Variants in GALNT2 observed in about 807,000 individuals in gnomAD.
GALNT2 encodes the protein polypeptide N-acetylgalactosaminyltransferase 2.
In GALNT2, 31 loss-of-function variants were observed where a neutral mutation model predicts 81.4. The ratio of observed to expected loss-of-function variants is 0.38; its 90% CI spans 0.29 to 0.51. The LOEUF (loss-of-function observed/expected upper bound fraction) is 0.51, where lower values mean the gene tolerates loss of function less well. GALNT2 is among the 20% of genes least tolerant of loss of function. The pLI is 0.87. For synonymous variants in GALNT2, 303 were observed against 287.4 expected (o/e 1.05, Z -0.55); for missense variants, 629 against 765.7 (o/e 0.82, Z 2.11).
At chr1:230,276,482 C>G (rs982743613) in intron 15 of GALNT2, among the ~76,000 whole-genome samples, 2 of 152,188 alleles carry the variant, frequency 1.3e-5, no homozygotes, top group East Asian at 1.9e-4. Context: ...CCTGATTTCA[C>G]AACAGAAAAG....
At chr1:230,061,580 A>G (rs1659048475) in intron 1 of GALNT2, among the ~76,000 whole-genome samples, 1 of 151,404 alleles carries the variant, frequency 6.6e-6, no homozygotes, top group Non-Finnish European at 1.5e-5. Flanking sequence ...TTCAGTTTTT[A>G]TTCCTCTCCC....
intron 1 of GALNT2, among the ~76,000 whole-genome samples, chr1:230,106,172 G>A (rs1032253362): frequency 6.6e-6 from 1 of 152,166 alleles, no homozygotes; most frequent in Non-Finnish European, 1.5e-5. Flanking sequence ...CCTGGACTTC[G>A]GAGTGATAGC....
intron 1 of GALNT2, among the ~76,000 whole-genome samples, chr1:230,089,121 A>C (rs575135446): frequency 6.6e-6 from 1 of 151,912 alleles, no homozygotes; most frequent in Admixed American, 6.6e-5. Flanking sequence ...ACATATAACA[A>C]AACTGACCAT....
intron 1 of GALNT2, among the ~76,000 whole-genome samples, chr1:230,085,740 C>T (rs1206564349): frequency 6.6e-6 from 1 of 152,226 alleles, no homozygotes; most frequent in South Asian, 2.1e-4. Context: ...ATCTGAGGTT[C>T]TCTTATTCAT....
intron 1 of GALNT2, among the ~76,000 whole-genome samples, chr1:230,090,709 C>T (rs1026846621): frequency 1.3e-5 from 2 of 152,174 alleles, no homozygotes; most frequent in African/African-American, 4.8e-5. Flanking sequence ...ATGTGTAACA[C>T]GTTTGCAGAA....
chr1:230,274,465 G>C lies in GALNT2; in HGVS notation c.1461G>C (p.Glu487Asp). 1 of 1,613,714 alleles carries C rather than the reference G, an allele frequency of 6.2e-7. No homozygotes were observed. The highest frequency in any genetic ancestry group is 8.5e-7 in the Non-Finnish European group (1 of 1,179,778). ...TCCAGGAATGGGCCTTGACGAAGGA[G>C]AAGTCGGTGAAGCACATGGATTTGT... is the stretch of plus-strand genomic sequence containing the variant. ...GGNQEWALTKEKSVKHMDLCL... is the reference protein window; with the variant it reads ...GGNQEWALTKDKSVKHMDLCL... The change falls in exon 15 of 16, where the codon GAG becomes GAC. Residue 487 changes from glutamate (E) to aspartate (D), a missense_variant. Coordinates refer to ENST00000366672, the MANE Select transcript of GALNT2 (RefSeq NM_004481.5).
chr1:230,188,242 G>T (rs1018189060), intron 2 of GALNT2, among the ~76,000 whole-genome samples: 13 of 152,198 alleles, frequency 8.5e-5, no homozygotes, highest in African/African-American at 3.1e-4. Flanking sequence ...GGCTGCCGTG[G>T]TCACAAAAAC....
intron 3 of GALNT2, among the ~76,000 whole-genome samples, chr1:230,224,642 T>A (rs1335282993): frequency 6.6e-6 from 1 of 152,266 alleles, no homozygotes; most frequent in Non-Finnish European, 1.5e-5. Flanking sequence ...TGGAGAATAC[T>A]CACGTATTCT....
chr1:230,120,747 G>T (rs1003318457), intron 1 of GALNT2, among the ~76,000 whole-genome samples: 1 of 152,040 alleles, frequency 6.6e-6, no homozygotes, highest in Non-Finnish European at 1.5e-5. Flanking sequence ...ATCCTCCTCC[G>T]CACACACTAA....
chr1:230,119,334 G>A (rs374256376), intron 1 of GALNT2, among the ~76,000 whole-genome samples: 1 of 152,152 alleles, frequency 6.6e-6, no homozygotes, highest in African/African-American at 2.4e-5. Flanking sequence ...GCGTCTCCGT[G>A]GGGTAGTTTT....
At chr1:230,091,938 C>G (rs924179994) in intron 1 of GALNT2, 3 of 152,232 alleles carry the variant, frequency 2.0e-5, no homozygotes, top group Admixed American at 6.5e-5. Flanking sequence ...GTTGCTACTT[C>G]CCTGATATCT....
chr1:230,180,820 C>T (rs1372216418), intron 2 of GALNT2, among the ~76,000 whole-genome samples: 2 of 152,084 alleles, frequency 1.3e-5, no homozygotes, highest in African/African-American at 4.8e-5. Flanking sequence ...AGAATTTATA[C>T]ATATTTTGTC....
chr1:230,083,052 A>T (rs1262553556), intron 1 of GALNT2, among the ~76,000 whole-genome samples: 1 of 150,790 alleles, frequency 6.6e-6, no homozygotes, highest in Non-Finnish European at 1.5e-5. Flanking sequence ...GGAAGCTGGG[A>T]TGATGGAGCA....
intron 7 of GALNT2, among the ~76,000 whole-genome samples, chr1:230,244,704 G>C (rs1665311574): frequency 6.6e-6 from 1 of 152,190 alleles, no homozygotes; most frequent in Non-Finnish European, 1.5e-5. Context: ...GAAACAAAAT[G>C]TAAAGTAGAT....
chr1:230,079,310 A>T (rs1659658880), intron 1 of GALNT2, among the ~76,000 whole-genome samples: 2 of 152,264 alleles, frequency 1.3e-5, no homozygotes, highest in Admixed American at 1.3e-4. Context: ...GATGTCTGAA[A>T]TGCTTTAGAG....
upstream of GALNT2, among the ~76,000 whole-genome samples, chr1:230,067,004 G>A (rs1571920342): frequency 6.7e-6 from 1 of 148,298 alleles, no homozygotes; most frequent in East Asian, 2.0e-4. Context: ...CCCGGCCCCC[G>A]CAGCCGCCGC....
At chr1:230,133,582 T>C (rs771838545) in intron 1 of GALNT2, among the ~76,000 whole-genome samples, 1 of 152,062 alleles carries the variant, frequency 6.6e-6, no homozygotes, top group Admixed American at 6.6e-5. Context: ...GCCTCCAGAT[T>C]AGCTGGGATT....
At chr1:230,218,696 A>G (rs561563368) in intron 3 of GALNT2, among the ~76,000 whole-genome samples, 11 of 152,222 alleles carry the variant, frequency 7.2e-5, no homozygotes, top group African/African-American at 2.2e-4. Context: ...GAGATTGTCA[A>G]TGTTTATGGA....
chr1:230,142,812 G>A (rs1264083171), intron 1 of GALNT2, among the ~76,000 whole-genome samples: 1 of 152,174 alleles, frequency 6.6e-6, no homozygotes, highest in African/African-American at 2.4e-5. Context: ...TGCGTGGGAA[G>A]GCTGGGTTTT....
Sources: allele counts gnomAD v4.1 joint callset (sites outside exome capture counted in the v4.1 genomes callset), GRCh38; gene constraint gnomAD v4.1.1; transcripts MANE v1.5; gene names NCBI Gene and HGNC (gene_info 2026-07-23, HGNC 2026-07-21).